PRDM2: variants seen among roughly 807,000 people sequenced by gnomAD.
PRDM2 encodes PR domain zinc finger protein 2.
A neutral mutation model predicts 130.0 loss-of-function variants in PRDM2; 30 were observed. The ratio of observed to expected loss-of-function variants is 0.23; its 90% CI spans 0.17 to 0.31. The LOEUF (loss-of-function observed/expected upper bound fraction) is 0.31, where lower values mean the gene tolerates loss of function less well. Among genes scored for constraint, PRDM2 ranks in the 10% least tolerant of loss-of-function variants. The pLI is 1.00. For synonymous variants in PRDM2, 871 were observed against 782.4 expected (o/e 1.11, Z -1.89); for missense variants, 2,011 against 2,108.4 (o/e 0.95, Z 0.90).
intron 2 of PRDM2, among the ~76,000 whole-genome samples, chr1:13,726,743 A>G (rs1164870844): frequency 6.6e-6 from 1 of 152,232 alleles, no homozygotes; most frequent in East Asian, 1.9e-4. Flanking sequence ...TACATGTTTA[A>G]AGACTGTACT....
At chr1:13,702,813 A>G (rs1642106411) in intron 1 of PRDM2, among the ~76,000 whole-genome samples, 1 of 151,992 alleles carries the variant, frequency 6.6e-6, no homozygotes, top group Admixed American at 6.6e-5. Context: ...ACTCATGCAG[A>G]AAAAAAACCA....
intron 6 of PRDM2, among the ~76,000 whole-genome samples, chr1:13,753,930 G>A (rs949579143): frequency 6.6e-6 from 1 of 152,208 alleles, no homozygotes; most frequent in Non-Finnish European, 1.5e-5. Flanking sequence ...GAACTAAAAT[G>A]ACAAGGGTCC....
Position 13,781,186 on chromosome 1 carries a change from A to G in PRDM2, c.3391A>G (p.Asn1131Asp), listed in dbSNP as rs1644605753. The stretch of plus-strand genomic sequence containing the variant: ...GGATGTTGTTGTTCAGGAAACATTC[A>G]ACAAAAACTTTGTTTGCAACGTCTG... ...EQDVVVQETF[N>D]KNFVCNVCES... The change falls in exon 8 of 10, where the codon AAC becomes GAC. Residue 1131 changes from asparagine to aspartate, a missense_variant. Around this residue, in one of 5 missense-constraint regions of PRDM2, gnomAD observed 229 missense variants for 364.1 expected, o/e 0.63. Coordinates refer to ENST00000311066, the MANE Select transcript of PRDM2 (RefSeq NM_001393986.1). This position sits in a 1 kb window ranked among gnomAD's most constrained non-coding sequence, Gnocchi z 6.1. 6.2e-7 allele frequency: 1 copy of G among 1,614,108 alleles called. No individual in the cohort carries two copies. The highest frequency in any genetic ancestry group is 1.3e-5 in the African/African-American group (1 of 74,938).
At chr1:13,811,201 T>G (rs558928995) in intron 8 of PRDM2, among the ~76,000 whole-genome samples, 1 of 151,172 alleles carries the variant, frequency 6.6e-6, no homozygotes, top group East Asian at 2.0e-4. Context: ...AAAAAAAGAG[T>G]TTACAGATCA....
intron 5 of PRDM2, among the ~76,000 whole-genome samples, chr1:13,744,623 T>C (rs1643548268): frequency 6.6e-6 from 1 of 152,182 alleles, no homozygotes; most frequent in African/African-American, 2.4e-5. Flanking sequence ...TAGTTTGTTG[T>C]GAAGGTTAAA....
At chr1:13,792,621 A>G (rs1644857965) in intron 8 of PRDM2, among the ~76,000 whole-genome samples, 1 of 152,196 alleles carries the variant, frequency 6.6e-6, no homozygotes, top group African/African-American at 2.4e-5. Context: ...GTTGTGATTC[A>G]GTCAGCCAGC....
chr1:13,795,755 T>G (rs1644913459), intron 8 of PRDM2, among the ~76,000 whole-genome samples: 1 of 152,150 alleles, frequency 6.6e-6, no homozygotes, highest in Non-Finnish European at 1.5e-5. Flanking sequence ...CCCTCCAGCT[T>G]TGTTAGAGAA....
intron 6 of PRDM2, among the ~76,000 whole-genome samples, chr1:13,765,290 A>C (rs1202108646): frequency 6.6e-6 from 1 of 152,244 alleles, no homozygotes; most frequent in Non-Finnish European, 1.5e-5. Context: ...GAATATTGAA[A>C]TGAACTGTTA....
intron 4 of PRDM2, among the ~76,000 whole-genome samples, chr1:13,734,763 C>T (rs1569795146): frequency 6.6e-6 from 1 of 152,080 alleles, no homozygotes; most frequent in Non-Finnish European, 1.5e-5. Context: ...TAAAAAAAAT[C>T]TCATTCAAGT....
rs574940375 is a variant in PRDM2, at chr1:13,801,658, TAACA to T, written c.5037-14764_5037-14761del. ...TGGGAAGATTAAATTCATTATTCCA[TAACA>T]AACACTTAGCACAGTGCTTGGAACA... On this transcript the variant is annotated intron_variant, in intron 8 of 9. Coordinates refer to ENST00000311066, the MANE Select transcript of PRDM2 (RefSeq NM_001393986.1). Among the ~76,000 whole-genome samples, 16 of 152,352 alleles carry T rather than the reference TAACA, an allele frequency of 1.1e-4. No homozygotes were observed. The South Asian group carries it at 3.3e-3, about 32-fold the overall frequency.
chr1:13,745,649 C>A (rs1202421954), intron 5 of PRDM2, among the ~76,000 whole-genome samples: 4 of 152,122 alleles, frequency 2.6e-5, no homozygotes. Context: ...GTCTCGAACT[C>A]CTGACCTCGT....
At chr1:13,818,914 A>G (rs979634507) in intron 9 of PRDM2, among the ~76,000 whole-genome samples, 8 of 152,124 alleles carry the variant, frequency 5.3e-5, no homozygotes, top group Non-Finnish European at 1.2e-4. Context: ...GTAAGATAGT[A>G]CAGAGCTGGG....
At chr1:13,739,848 T>C (rs758104053) in intron 4 of PRDM2, among the ~76,000 whole-genome samples, 27 of 152,208 alleles carry the variant, frequency 1.8e-4, no homozygotes, top group Non-Finnish European at 3.1e-4. Flanking sequence ...TGGGGGAATA[T>C]CTGTTTTTTC....
rs756170605 is a variant in PRDM2, at chr1:13,805,888, C to A, written c.5037-10539C>A. On this transcript the variant is annotated intron_variant, in intron 8 of 9. Transcript: ENST00000311066. Reference sequence around the variant, plus strand: ...AAGAGCACCGTGGCCACGTGGGGACCCTGGAGCCCTGGAGAGCCCATGTCC... The same window carrying A: ...AAGAGCACCGTGGCCACGTGGGGACACTGGAGCCCTGGAGAGCCCATGTCC... 8.5e-5 allele frequency among the ~76,000 whole-genome samples: 13 copies of A among 152,048 alleles called. No homozygotes were observed. The South Asian group carries it at 1.2e-3, about 15-fold the overall frequency.
At chr1:13,723,080 G>A (rs1642787506) in intron 2 of PRDM2, among the ~76,000 whole-genome samples, 1 of 152,214 alleles carries the variant, frequency 6.6e-6, no homozygotes, top group African/African-American at 2.4e-5. Flanking sequence ...TGGTGCAGCC[G>A]CGGTGGCCTC....
intron 1 of PRDM2, among the ~76,000 whole-genome samples, chr1:13,709,494 A>G (rs1222435376): frequency 6.6e-6 from 1 of 152,218 alleles, no homozygotes; most frequent in East Asian, 1.9e-4. Flanking sequence ...TCAGGATTGC[A>G]AGAATCTTTT....
At position 13,803,859 on chromosome 1, in the gene PRDM2, G is replaced by C. The variant is rs1244490331; in HGVS notation, c.5037-12568G>C. Among the ~76,000 whole-genome samples, 2 of 152,186 alleles carry C rather than the reference G, an allele frequency of 1.3e-5. No individual in the cohort carries two copies. Among genetic ancestry groups the C allele is most frequent in the Non-Finnish European group, 2.9e-5 (2 of 68,038 alleles). Reference sequence around the variant, plus strand: ...GAATTCATGGCCTCTGAGGACCTCAGAACCTGGCTTAGAAGCTCCACAAAG... The same window carrying C: ...GAATTCATGGCCTCTGAGGACCTCACAACCTGGCTTAGAAGCTCCACAAAG... On this transcript the variant is annotated intron_variant, in intron 8 of 9. Transcript: ENST00000311066. This position sits in a 1 kb window ranked among gnomAD's most constrained non-coding sequence, Gnocchi z 6.2.
chr1:13,723,384 C>T (rs764471677), intron 2 of PRDM2, among the ~76,000 whole-genome samples: 5 of 152,182 alleles, frequency 3.3e-5, no homozygotes, highest in African/African-American at 9.7e-5. Context: ...CCCCAGGTAG[C>T]GCTGCTCCAG....
At chr1:13,745,264 T>C (rs535412521) in intron 5 of PRDM2, among the ~76,000 whole-genome samples, 42 of 152,256 alleles carry the variant, frequency 2.8e-4, no homozygotes, top group African/African-American at 9.1e-4. Flanking sequence ...AGGAGAGGGC[T>C]GCTTTGTCTC....
Sources: allele counts gnomAD v4.1 joint callset (sites outside exome capture counted in the v4.1 genomes callset), GRCh38; gene constraint gnomAD v4.1.1; regional missense constraint gnomAD v4.1.1; non-coding constraint Gnocchi (gnomAD v3.1); transcripts MANE v1.5; gene names NCBI Gene and HGNC (gene_info 2026-07-23, HGNC 2026-07-21).